PRKD1: variants seen among roughly 807,000 people sequenced by gnomAD.
The protein encoded by PRKD1 is protein kinase D1, also known as serine/threonine-protein kinase D1.
Under a neutral mutation model 95.9 loss-of-function variants are expected in PRKD1, and 63 were observed. That is an observed-to-expected ratio of 0.66 (90% CI 0.54 to 0.81). PRKD1 has a LOEUF of 0.81. Among genes scored for constraint, PRKD1 ranks in the 30% least tolerant of loss-of-function variants. PRKD1 has a pLI of 0.00. For synonymous variants in PRKD1, 425 were observed against 423.1 expected, an observed-to-expected ratio of 1.00 and a Z score of -0.05; for missense variants, 1,048 against 1,165.3, an observed-to-expected ratio of 0.90 and a Z score of 1.47.
intron 1 of PRKD1, among the ~76,000 whole-genome samples, chr14:29,814,514 C>G (rs533306397): frequency 6.6e-6 from 1 of 152,166 alleles, no homozygotes; most frequent in Middle Eastern, 3.2e-3. Flanking sequence ...AGGAACTGGG[C>G]TTTTTCCCTG....
chr14:29,676,696 A>G (rs1448466898), intron 2 of PRKD1, among the ~76,000 whole-genome samples: 1 of 152,154 alleles, frequency 6.6e-6, no homozygotes, highest in East Asian at 1.9e-4. Context: ...CAGCTGAGAA[A>G]ACCGAGATAT....
chr14:29,830,630 G>A lies in PRKD1; in HGVS notation c.264+96619C>T, dbSNP rs1566625020. ...TAAAAAAATCAAATTTAGCACAACT[G>A]GGAGTCATAAATATACTAAGCTTAA... is the stretch of plus-strand genomic sequence containing the variant. On this transcript the variant is annotated intron_variant, in intron 1 of 17. Coordinates refer to ENST00000331968, the MANE Select transcript of PRKD1 (RefSeq NM_002742.3). Among the ~76,000 whole-genome samples, 4 of 151,866 alleles carry A rather than the reference G, an allele frequency of 2.6e-5. No homozygotes were observed. The South Asian group carries it at 6.2e-4, about 24-fold the overall frequency.
At chr14:29,846,398 G>A (rs1247009194) in intron 1 of PRKD1, among the ~76,000 whole-genome samples, 1 of 152,194 alleles carries the variant, frequency 6.6e-6, no homozygotes, top group Non-Finnish European at 1.5e-5. Flanking sequence ...AGCTCTGACT[G>A]AGGGAGAGAG....
At position 29,710,384 on chromosome 14, in the gene PRKD1, C is replaced by T. The variant is rs538715533; in HGVS notation, c.403+15152G>A. Among the ~76,000 whole-genome samples, 80 of 152,196 alleles carry T rather than the reference C, an allele frequency of 5.3e-4. 3 individuals are homozygous for T. In the South Asian group the frequency reaches 0.016, roughly 30 times the overall value. ...GTGGATATCATGTACCCCTATGTGA[C>T]GTGATAAGAAAGCTACTTCACTTCT... is the stretch of plus-strand genomic sequence containing the variant. On this transcript the variant is annotated intron_variant, in intron 2 of 17. Transcript: ENST00000331968.
At chr14:29,865,631 A>C (rs150345607) in intron 1 of PRKD1, among the ~76,000 whole-genome samples, 1 of 152,296 alleles carries the variant, frequency 6.6e-6, no homozygotes, top group Non-Finnish European at 1.5e-5. Context: ...CCATATGTCA[A>C]TGCCACGCTC....
chr14:29,747,932 T>C (rs759573400), intron 1 of PRKD1, among the ~76,000 whole-genome samples: 19 of 151,964 alleles, frequency 1.3e-4, no homozygotes, highest in Non-Finnish European at 2.6e-4. Context: ...TTAGTAGAGA[T>C]GGGATTTCAT....
intron 1 of PRKD1, among the ~76,000 whole-genome samples, chr14:29,738,918 A>G (rs1886862661): frequency 6.7e-6 from 1 of 149,236 alleles, no homozygotes; most frequent in African/African-American, 2.5e-5. Context: ...TGCAACTTCC[A>G]CTTCCCAGGT....
intron 16 of PRKD1, among the ~76,000 whole-genome samples, chr14:29,580,163 C>T (rs1050940217): frequency 2.0e-5 from 3 of 152,132 alleles, no homozygotes; most frequent in Admixed American, 6.6e-5. Flanking sequence ...GGCAGGAGTA[C>T]AGTAACTCAA....
chr14:29,842,370 A>C (rs1052394375), intron 1 of PRKD1, among the ~76,000 whole-genome samples: 1 of 152,278 alleles, frequency 6.6e-6, no homozygotes, highest in Non-Finnish European at 1.5e-5. Flanking sequence ...TGTTGACACC[A>C]GCATCACCTC....
chr14:29,901,996 C>T (rs1213233751), intron 1 of PRKD1, among the ~76,000 whole-genome samples: 1 of 152,154 alleles, frequency 6.6e-6, no homozygotes, highest in Non-Finnish European at 1.5e-5. Flanking sequence ...AGGACAATAA[C>T]TTGAGTCTTC....
intron 2 of PRKD1, among the ~76,000 whole-genome samples, chr14:29,686,244 A>C (rs569005168): frequency 6.6e-6 from 1 of 152,214 alleles, no homozygotes; most frequent in Admixed American, 6.5e-5. Flanking sequence ...GGCTGGTGAT[A>C]CATTTGACGT....
chr14:29,869,624 T>C (rs1893034000), intron 1 of PRKD1, among the ~76,000 whole-genome samples: 1 of 152,132 alleles, frequency 6.6e-6, no homozygotes, highest in Admixed American at 6.5e-5. Context: ...GAGAATTAGA[T>C]AAAAGTATAA....
chr14:29,877,527 G>A (rs1893344086), intron 1 of PRKD1, among the ~76,000 whole-genome samples: 1 of 152,198 alleles, frequency 6.6e-6, no homozygotes, highest in Non-Finnish European at 1.5e-5. Context: ...CTTTTGTTGT[G>A]ATTGCTGCTG....
intron 2 of PRKD1, among the ~76,000 whole-genome samples, chr14:29,719,329 T>G (rs959461386): frequency 2.0e-5 from 3 of 152,172 alleles, no homozygotes; most frequent in African/African-American, 7.2e-5. Flanking sequence ...TTTGAGTATA[T>G]GAATTAAATA....
At chr14:29,868,761 T>G (rs185312057) in intron 1 of PRKD1, among the ~76,000 whole-genome samples, 1 of 152,236 alleles carries the variant, frequency 6.6e-6, no homozygotes, top group Non-Finnish European at 1.5e-5. Flanking sequence ...CACATTCTTT[T>G]GCTTTGCAAA....
intron 3 of PRKD1, among the ~76,000 whole-genome samples, chr14:29,664,868 C>G (rs948143417): frequency 1.3e-5 from 2 of 152,220 alleles, no homozygotes; most frequent in African/African-American, 2.4e-5. Flanking sequence ...CGCGACTCAA[C>G]AGCTGAGTGA....
intron 1 of PRKD1, among the ~76,000 whole-genome samples, chr14:29,920,054 AAGGAAGGAAGGAAAGAAG>A: frequency 1.5e-5 from 2 of 135,598 alleles, no homozygotes; most frequent in South Asian, 2.3e-4. Flanking sequence ...GGAAGGAAGG[AAGGAAGGAAGGAAAGAAG>A]GAAGGAAGGA....
At chr14:29,897,735 GACTT>G (rs1894183709) in intron 1 of PRKD1, among the ~76,000 whole-genome samples, 1 of 152,100 alleles carries the variant, frequency 6.6e-6, no homozygotes, top group African/African-American at 2.4e-5. Context: ...ATGAAAGACT[GACTT>G]ACTCACTTGG....
intron 2 of PRKD1, among the ~76,000 whole-genome samples, chr14:29,698,807 T>C (rs1441266430): frequency 6.6e-6 from 1 of 152,046 alleles, no homozygotes; most frequent in African/African-American, 2.4e-5. Flanking sequence ...GGATCCTATT[T>C]AAAATTACAT....
Sources: allele counts gnomAD v4.1 joint callset (sites outside exome capture counted in the v4.1 genomes callset), GRCh38; gene constraint gnomAD v4.1.1; transcripts MANE v1.5; gene names NCBI Gene and HGNC (gene_info 2026-07-23, HGNC 2026-07-21).